RYR2: variants seen among roughly 807,000 people sequenced by gnomAD.
The protein encoded by RYR2 is ryanodine receptor 2.
In RYR2, 227 loss-of-function variants were observed where a neutral mutation model predicts 601.1. That is an observed-to-expected ratio of 0.38 (90% confidence interval 0.34 to 0.42). The LOEUF (loss-of-function observed/expected upper bound fraction) is 0.42, where lower values mean the gene tolerates loss of function less well. RYR2 is among the 10% of genes least tolerant of loss of function. The probability of loss-of-function intolerance (pLI) is 1.00; values close to 1 mark genes in which losing one functional copy is unlikely to be tolerated. For missense variants in RYR2, 4,646 were observed against 6,156.5 expected, an observed-to-expected ratio of 0.75 and a Z score of 8.21; for synonymous variants, 2,223 against 2,175.1, an observed-to-expected ratio of 1.02 and a Z score of -0.61.
chr1:237,701,258 C>T (rs929694063), intron 65 of RYR2, among the ~76,000 whole-genome samples: 3 of 152,184 alleles, frequency 2.0e-5, no homozygotes, highest in African/African-American at 7.2e-5. Context: ...AGTCCGGGTG[C>T]AGTGGCGCAT....
intron 1 of RYR2, among the ~76,000 whole-genome samples, chr1:237,221,771 A>T (rs1029417972): frequency 1.3e-5 from 2 of 152,168 alleles, no homozygotes; most frequent in African/African-American, 4.8e-5. Context: ...TCACTGAGGT[A>T]GTATATTCTG....
In RYR2 at chr1:237,491,838, G is replaced by C; in HGVS notation, c.1741G>C (p.Glu581Gln). The C allele has an allele frequency of 6.8e-7, 1 of 1,479,824 alleles. No individual in the cohort carries two copies. The highest frequency in any genetic ancestry group is 1.4e-5 in the African/African-American group (1 of 71,760). The allele number at this position is 1,479,824 out of a possible 1,614,324, so 91.7% of individuals were successfully genotyped here. A position where few individuals can be genotyped will look rare whatever the true frequency, so the allele number is the denominator to read the frequency against. Residue 581 changes from glutamate to glutamine, a missense_variant, in exon 18 of 105, where the codon GAA becomes CAA. Glu to Gln is a conservative substitution (Grantham distance 29, BLOSUM62 2). Around this residue, in one of 17 missense-constraint regions of RYR2, gnomAD observed 1,807 missense variants for 2,088.1 expected, o/e 0.87. Coordinates refer to ENST00000366574, the MANE Select transcript of RYR2 (RefSeq NM_001035.3). ...GGAAGTTTTACACTGTGTTTTAGTA[G>C]AAAGTCCAGAAGCTCTAAATATTAT... is the stretch of plus-strand genomic sequence containing the variant. ...ILEVLHCVLV[E>Q]SPEALNIIKE...
chr1:237,599,006 G>A (rs1086691), intron 34 of RYR2, among the ~76,000 whole-genome samples: 59,901 of 151,946 alleles, frequency 0.39, 13,265 homozygotes, highest in Admixed American at 0.51. Flanking sequence ...ATGAAAAATT[G>A]TATGCCAACA....
At chr1:237,082,803 G>A (rs1314609667) in intron 1 of RYR2, among the ~76,000 whole-genome samples, 3 of 152,014 alleles carry the variant, frequency 2.0e-5, no homozygotes, top group South Asian at 2.1e-4. Flanking sequence ...GTGAATACAC[G>A]TTTTCAGTCT....
intron 24 of RYR2, among the ~76,000 whole-genome samples, chr1:237,519,988 C>A: frequency 6.6e-6 from 1 of 152,062 alleles, no homozygotes; most frequent in East Asian, 1.9e-4. Flanking sequence ...TTGTACAGAT[C>A]TTGTACACCT....
intron 4 of RYR2, among the ~76,000 whole-genome samples, chr1:237,362,456 A>G (rs905954273): frequency 1.3e-5 from 2 of 152,200 alleles, no homozygotes; most frequent in African/African-American, 4.8e-5. Context: ...GCTTTCTTCA[A>G]TATTTATCTT....
At chr1:237,118,391 C>T (rs1191282836) in intron 1 of RYR2, among the ~76,000 whole-genome samples, 2 of 151,468 alleles carry the variant, frequency 1.3e-5, no homozygotes, top group Non-Finnish European at 2.9e-5. Context: ...CCGTTTTCAT[C>T]ATGCAGTAAC....
intron 29 of RYR2, among the ~76,000 whole-genome samples, chr1:237,584,212 G>C (rs1177099005): frequency 1.3e-5 from 2 of 152,142 alleles, no homozygotes; most frequent in Admixed American, 1.3e-4. Flanking sequence ...GTTTTATTGT[G>C]TTGAAATACT....
Position 237,189,887 on chromosome 1 carries a change from T to C in RYR2, c.49-80610T>C, listed in dbSNP as rs573532011. On this transcript the variant is annotated intron_variant, in intron 1 of 104. Coordinates refer to ENST00000366574, the MANE Select transcript of RYR2 (RefSeq NM_001035.3). Reference sequence around the variant, plus strand: ...GTTTTATTTTTATTTTTATTTTTTTTTTTGAGACAGAGTTTCACTTTGTCA... The same window carrying C: ...GTTTTATTTTTATTTTTATTTTTTTCTTTGAGACAGAGTTTCACTTTGTCA... 5.3e-5 allele frequency among the ~76,000 whole-genome samples: 8 copies of C among 151,314 alleles called. No individual in the cohort carries two copies. The East Asian group carries it at 1.6e-3, about 30-fold the overall frequency.
intron 1 of RYR2, among the ~76,000 whole-genome samples, chr1:237,151,324 T>C (rs1191233802): frequency 6.6e-6 from 1 of 152,004 alleles, no homozygotes; most frequent in Non-Finnish European, 1.5e-5. Flanking sequence ...TATGTCAGGG[T>C]GGAATAATCA....
intron 79 of RYR2, 139 bp from the exon 80 acceptor site, chr1:237,742,157 A>C: frequency 1.6e-6 from 1 of 637,126 alleles, no homozygotes; most frequent in Non-Finnish European, 2.7e-6. Context: ...TCATCTAAGC[A>C]TTCTATCTTA....
At chr1:237,406,656 A>G (rs1339376210) in intron 10 of RYR2, among the ~76,000 whole-genome samples, 1 of 152,072 alleles carries the variant, frequency 6.6e-6, no homozygotes, top group Non-Finnish European at 1.5e-5. Flanking sequence ...TATTCCTAAT[A>G]TATTTGTATT....
At chr1:237,243,145 A>G (rs666787) in intron 1 of RYR2, among the ~76,000 whole-genome samples, 132,752 of 151,282 alleles carry the variant, frequency 0.88, 59,982 homozygotes, top group East Asian at 1. Context: ...GACCGGGGTC[A>G]GGGGAGGGGT....
At chr1:237,528,353 A>G (rs1202143908) in intron 24 of RYR2, among the ~76,000 whole-genome samples, 4 of 152,124 alleles carry the variant, frequency 2.6e-5, no homozygotes, top group African/African-American at 9.7e-5. Flanking sequence ...AGTATGTATC[A>G]TAGTATGTAT....
At chr1:237,742,882 A>AT (rs1347239296) in intron 80 of RYR2, among the ~76,000 whole-genome samples, 1 of 152,102 alleles carries the variant, frequency 6.6e-6, no homozygotes, top group African/African-American at 2.4e-5. Context: ...GTTTACAACT[A>AT]TTTTCTCAAA....
At chr1:237,486,177 T>G (rs1048806976) in intron 17 of RYR2, among the ~76,000 whole-genome samples, 1 of 152,206 alleles carries the variant, frequency 6.6e-6, no homozygotes, top group Non-Finnish European at 1.5e-5. Flanking sequence ...CATATATACG[T>G]ACAAAGAAAG....
intron 97 of RYR2, among the ~76,000 whole-genome samples, chr1:237,798,595 ATATTACTTTAC>A (rs1384382906): frequency 6.6e-6 from 1 of 152,232 alleles, no homozygotes; most frequent in African/African-American, 2.4e-5. Context: ...AGAGGAACTC[ATATTACTTTAC>A]TATAAGTATT....
chr1:237,527,276 G>A (rs573231496), intron 24 of RYR2, among the ~76,000 whole-genome samples: 8 of 152,072 alleles, frequency 5.3e-5, no homozygotes, highest in East Asian at 3.9e-4. Flanking sequence ...TTGGCTATTC[G>A]GACTCTTTTT....
intron 1 of RYR2, among the ~76,000 whole-genome samples, chr1:237,113,960 G>A (rs1359606060): frequency 2.0e-5 from 3 of 152,188 alleles, no homozygotes; most frequent in African/African-American, 7.2e-5. Context: ...TTGACATGAC[G>A]TCGCTCCAAC....
Sources: allele counts gnomAD v4.1 joint callset (sites outside exome capture counted in the v4.1 genomes callset), GRCh38; gene constraint gnomAD v4.1.1; regional missense constraint gnomAD v4.1.1; transcripts MANE v1.5; gene names NCBI Gene and HGNC (gene_info 2026-07-23, HGNC 2026-07-21).